The following DLGAP1 variants were observed in gnomAD, a reference collection of about 807,000 sequenced individuals.
DLGAP1 encodes DLG associated protein 1.
DLGAP1 carries 11 observed loss-of-function variants against 90.8 expected under a neutral mutation model. The observed-to-expected ratio is 0.12, with a 90% CI of 0.08 to 0.20. DLGAP1 has a LOEUF of 0.20. Ranked by LOEUF, DLGAP1 falls within the 10% of genes least tolerant of loss-of-function variation. The pLI, the probability that DLGAP1 is intolerant of heterozygous loss-of-function variation, is 1.00. For missense variants in DLGAP1, 1,050 were observed against 1,333.8 expected (o/e 0.79, Z 3.31); for synonymous variants, 558 against 540.7 (o/e 1.03, Z -0.44).
chr18:4,292,986 T>C (rs116956841), intron 1 of DLGAP1, among the ~76,000 whole-genome samples: 1,631 of 152,318 alleles, frequency 0.011, 9 homozygotes, highest in South Asian at 0.039. Context: ...CTTTGAAAGG[T>C]TGACATTTAC....
chr18:3,999,197 G>GAT (rs2074130344), intron 3 of DLGAP1, among the ~76,000 whole-genome samples: 1 of 151,656 alleles, frequency 6.6e-6, no homozygotes, highest in Non-Finnish European at 1.5e-5. Context: ...ATACAAAATT[G>GAT]ATATATATTT....
chr18:4,251,989 C>T (rs756529628), intron 1 of DLGAP1, among the ~76,000 whole-genome samples: 5 of 152,214 alleles, frequency 3.3e-5, no homozygotes, highest in African/African-American at 4.8e-5. Flanking sequence ...TCTGGCTCTC[C>T]GTGAGCTCTG....
chr18:3,704,452 C>G (rs1309703281), intron 7 of DLGAP1, among the ~76,000 whole-genome samples: 1 of 152,014 alleles, frequency 6.6e-6, no homozygotes, highest in African/African-American at 2.4e-5. Context: ...CGCCAGTAAT[C>G]CCAGCTACTC....
intron 1 of DLGAP1, among the ~76,000 whole-genome samples, chr18:4,362,115 C>T (rs141298946): frequency 5.9e-5 from 9 of 152,220 alleles, no homozygotes; most frequent in African/African-American, 2.2e-4. Context: ...GAAACTGGAA[C>T]ACTTGTACAC....
chr18:3,503,486 A>G (rs1375332235), intron 11 of DLGAP1, among the ~76,000 whole-genome samples: 9 of 152,200 alleles, frequency 5.9e-5, no homozygotes, highest in Non-Finnish European at 1.3e-4. Context: ...GACTGAAAAT[A>G]TCATACTCTT....
chr18:3,796,778 T>C (rs940458282), intron 5 of DLGAP1, among the ~76,000 whole-genome samples: 1 of 152,264 alleles, frequency 6.6e-6, no homozygotes, highest in African/African-American at 2.4e-5. Context: ...TCAGAATTCA[T>C]ATTTTAATCA....
At chr18:4,168,855 A>G (rs1028795933) in intron 1 of DLGAP1, among the ~76,000 whole-genome samples, 1 of 152,200 alleles carries the variant, frequency 6.6e-6, no homozygotes, top group Non-Finnish European at 1.5e-5. Flanking sequence ...AGTAGCTGGA[A>G]CTACTGGTGT....
chr18:4,418,206 A>G (rs1256070915), intron 1 of DLGAP1, among the ~76,000 whole-genome samples: 1 of 152,180 alleles, frequency 6.6e-6, no homozygotes, highest in African/African-American at 2.4e-5. Context: ...GCAGAGGGAA[A>G]GGCATGTCCA....
chr18:3,930,859 A>G (rs894043048), intron 3 of DLGAP1, among the ~76,000 whole-genome samples: 19 of 152,176 alleles, frequency 1.2e-4, no homozygotes, highest in African/African-American at 3.9e-4. Flanking sequence ...CCCTCAAAAT[A>G]TCGTGAGGCA....
chr18:4,210,186 C>T (rs1205044877), intron 1 of DLGAP1, among the ~76,000 whole-genome samples: 1 of 152,168 alleles, frequency 6.6e-6, no homozygotes, highest in Non-Finnish European at 1.5e-5. Flanking sequence ...TGAGTCCTTC[C>T]CTGGCCTGTT....
chr18:4,105,929 G>A (rs1374045045), intron 2 of DLGAP1, among the ~76,000 whole-genome samples: 1 of 151,586 alleles, frequency 6.6e-6, no homozygotes, highest in Non-Finnish European at 1.5e-5. Flanking sequence ...CTACTCGGGA[G>A]GCCGAGGCAG....
intron 2 of DLGAP1, among the ~76,000 whole-genome samples, chr18:4,080,719 A>G (rs958072469): frequency 6.6e-6 from 1 of 152,076 alleles, no homozygotes; most frequent in African/African-American, 2.4e-5. Context: ...TCTCCCTCCC[A>G]TAACCTGTCT....
chr18:3,960,470 G>C (rs1420081865), intron 3 of DLGAP1, among the ~76,000 whole-genome samples: 1 of 152,122 alleles, frequency 6.6e-6, no homozygotes, highest in African/African-American at 2.4e-5. Context: ...TTGGGGAAGA[G>C]GGGGTTGATG....
At chr18:4,295,382 G>C (rs2079955074) in intron 1 of DLGAP1, 1 of 152,112 alleles carries the variant, frequency 6.6e-6, no homozygotes, top group Non-Finnish European at 1.5e-5. Context: ...TCTTAGATGG[G>C]CCTCAATAAA....
At chr18:4,174,406 C>T (rs1005370053) in intron 1 of DLGAP1, among the ~76,000 whole-genome samples, 2 of 152,090 alleles carry the variant, frequency 1.3e-5, no homozygotes, top group African/African-American at 2.4e-5. Context: ...ACGATCTCGG[C>T]TCACTGCAAC....
At chr18:3,686,203 A>G (rs2060698389) in intron 7 of DLGAP1, among the ~76,000 whole-genome samples, 2 of 151,542 alleles carry the variant, frequency 1.3e-5, no homozygotes, top group Non-Finnish European at 2.9e-5. Context: ...AACAAACAGA[A>G]TAAACTAAAA....
At chr18:3,555,827 TAAAC>T (rs1284903939) in intron 9 of DLGAP1, among the ~76,000 whole-genome samples, 1 of 151,886 alleles carries the variant, frequency 6.6e-6, no homozygotes, top group Non-Finnish European at 1.5e-5. Flanking sequence ...AATAAATAAA[TAAAC>T]AAATAAATTT....
intron 1 of DLGAP1, among the ~76,000 whole-genome samples, chr18:4,354,399 G>A (rs138380297): frequency 6.8e-4 from 103 of 152,226 alleles, no homozygotes; most frequent in African/African-American, 2.4e-3. Flanking sequence ...CCACACAGAG[G>A]GACCAGAAGA....
At chr18:4,362,720 T>C (rs1446093397) in intron 1 of DLGAP1, among the ~76,000 whole-genome samples, 1 of 152,082 alleles carries the variant, frequency 6.6e-6, no homozygotes, top group Non-Finnish European at 1.5e-5. Context: ...GTAAAAACGT[T>C]TAAGATAGTA....
Sources: gnomAD v4.1 joint callset for allele counts (sites outside exome capture counted in the v4.1 genomes callset) on GRCh38, gnomAD v4.1.1 for gene constraint, MANE v1.5 for transcripts, NCBI Gene and HGNC (gene_info 2026-07-23, HGNC 2026-07-21) for gene names.